Variants in MRPL37 observed in about 807,000 individuals in gnomAD.
The protein encoded by MRPL37 is mitochondrial ribosomal protein L37, also known as large ribosomal subunit protein mL37.
A neutral mutation model predicts 44.1 loss-of-function variants in MRPL37; 34 were observed. The ratio of observed to expected loss-of-function variants is 0.77; its 90% confidence interval spans 0.59 to 1.03. The LOEUF is 1.03. Ranked by LOEUF, MRPL37 falls within the 50% of genes least tolerant of loss-of-function variation. The pLI, the probability that MRPL37 is intolerant of heterozygous loss-of-function variation, is 0.00. For missense variants in MRPL37, 532 were observed against 543.7 expected (o/e 0.98, Z 0.21); for synonymous variants, 212 against 219.5 (o/e 0.97, Z 0.30).
chr1:54,200,616 G>GACCGTGTTCCTCTAACCAGC, intron 1 of MRPL37, 27 bp downstream of exon 1: 1 of 1,568,008 alleles, frequency 6.4e-7, no homozygotes, highest in Non-Finnish European at 8.7e-7. Flanking sequence ...GGCGGCAAGG[G>GACCGTGTTCCTCTAACCAGC]ACCGTGTTCC....
downstream of MRPL37, chr1:54,225,021 C>T (rs183090931): frequency 4.6e-4 from 527 of 1,142,918 alleles, 2 homozygotes; most frequent in African/African-American, 6.4e-3. Context: ...TGAAGCCAGT[C>T]CCACCCGAGG....
downstream of MRPL37, among the ~76,000 whole-genome samples, chr1:54,221,623 C>T (rs554878927): frequency 1.2e-4 from 19 of 152,324 alleles, no homozygotes; most frequent in South Asian, 6.2e-4. Context: ...CATACATGCG[C>T]GCACACATGC....
At chr1:54,217,701 C>T (rs1027926803) in intron 6 of MRPL37, among the ~76,000 whole-genome samples, 13 of 152,310 alleles carry the variant, frequency 8.5e-5, no homozygotes, top group African/African-American at 2.4e-4. Flanking sequence ...TTTCCTACTT[C>T]TGCAGTGGGG....
chr1:54,200,435 G>A lies in MRPL37; in HGVS notation c.192G>A (p.Met64Ile). 6.2e-7 allele frequency: 1 copy of A among 1,614,260 alleles called. No individual in the cohort carries two copies. Residue 64 changes from methionine to isoleucine, a missense_variant, in exon 1 of 7, where the codon ATG becomes ATA. Transcript: ENST00000360840. The stretch of plus-strand genomic sequence containing the variant: ...AGCCCATCACCTTTGCGGGGAAGAT[G>A]CACTTCGTGCCCTGGCTGGCGCGGC... ...GLEPITFAGK[M>I]HFVPWLARPI...
At chr1:54,212,971 G>A (rs1244431259) in intron 5 of MRPL37, among the ~76,000 whole-genome samples, 1 of 152,212 alleles carries the variant, frequency 6.6e-6, no homozygotes, top group African/African-American at 2.4e-5. Flanking sequence ...ACTAAGTGGT[G>A]GAGATAGGAC....
chr1:54,205,608 A>G (rs757374972), intron 3 of MRPL37, among the ~76,000 whole-genome samples, 198 bp downstream of exon 3: 41 of 152,178 alleles, frequency 2.7e-4, no homozygotes, highest in Admixed American at 1.3e-3. Flanking sequence ...ATCACTTTCT[A>G]AGACGTTAAT....
chr1:54,204,803 T>C (rs1323311327), intron 1 of MRPL37, among the ~76,000 whole-genome samples: 2 of 152,294 alleles, frequency 1.3e-5, no homozygotes, highest in East Asian at 3.9e-4. Context: ...CTATTAACCA[T>C]CCTGAAGTAG....
chr1:54,215,002 G>A (rs1401397329), intron 5 of MRPL37, among the ~76,000 whole-genome samples: 1 of 152,224 alleles, frequency 6.6e-6, no homozygotes, highest in African/African-American at 2.4e-5. Context: ...TTCAGCCCCA[G>A]TGGGGTGAAC....
intron 4 of MRPL37, among the ~76,000 whole-genome samples, chr1:54,210,851 G>A (rs1329787577): frequency 6.6e-6 from 1 of 152,084 alleles, no homozygotes; most frequent in Non-Finnish European, 1.5e-5. Flanking sequence ...TTCCAGAGTA[G>A]CCTTTCCCCA....
chr1:54,200,253 G>T lies in MRPL37; in HGVS notation c.10G>T (p.Ala4Ser). The change falls in exon 1 of 7, where the codon GCG becomes TCG. Residue 4 changes from alanine to serine, a missense_variant. Physicochemically the swap from Ala to Ser is moderately conservative, Grantham distance 99. Transcript: ENST00000360840. MAL[A>S]SGPARRALAG... ...AGGCTATCAGATCGGTATGGCATTG[G>T]CGTCCGGGCCCGCAAGGCGGGCGCT... 1 of 1,588,132 alleles carries T rather than the reference G, an allele frequency of 6.3e-7. No individual in the cohort carries two copies. Among genetic ancestry groups the T allele is most frequent in the East Asian group, 2.2e-5 (1 of 44,652 alleles).
At chr1:54,214,940 G>GC (rs1644187638) in intron 5 of MRPL37, among the ~76,000 whole-genome samples, 1 of 152,168 alleles carries the variant, frequency 6.6e-6, no homozygotes, top group Non-Finnish European at 1.5e-5. Flanking sequence ...AAGGCCAACA[G>GC]CCCCAGTGTG....
chr1:54,225,240 A>G, downstream of MRPL37: 1 of 1,234,218 alleles, frequency 8.1e-7, no homozygotes, highest in East Asian at 3.2e-5. Flanking sequence ...CTCCCAACCC[A>G]CCTTCCGCCA....
chr1:54,219,490 C>T (rs867095070), downstream of MRPL37, among the ~76,000 whole-genome samples: 5 of 152,174 alleles, frequency 3.3e-5, no homozygotes, highest in South Asian at 4.1e-4. Context: ...GTGGGGAGGC[C>T]GGAGGCTTGG....
At chr1:54,223,593 G>A (rs918171689), downstream of MRPL37, among the ~76,000 whole-genome samples, 1 of 152,194 alleles carries the variant, frequency 6.6e-6, no homozygotes. Flanking sequence ...GGGCAGTGGG[G>A]ATGCCCAGCA....
chr1:54,222,741 C>G (rs1644244565), downstream of MRPL37, among the ~76,000 whole-genome samples: 1 of 152,164 alleles, frequency 6.6e-6, no homozygotes, highest in South Asian at 2.1e-4. Flanking sequence ...GCAACAACTC[C>G]CATGGTATGT....
chr1:54,207,270 C>T (rs1036610931), intron 3 of MRPL37: 3 of 152,258 alleles, frequency 2.0e-5, no homozygotes, highest in Non-Finnish European at 4.4e-5. Flanking sequence ...ATCTTACTCA[C>T]ATTGTCCACA....
intron 3 of MRPL37, among the ~76,000 whole-genome samples, chr1:54,206,267 C>T (rs1219161559): frequency 6.6e-6 from 1 of 151,710 alleles, no homozygotes; most frequent in African/African-American, 2.4e-5. Context: ...CGCCCGCCAC[C>T]ACGCCCAGCT....
At position 54,218,258 on chromosome 1, in the gene MRPL37, C is replaced by T. The variant is rs1484781242; in HGVS notation, c.*9C>T. 6.2e-7 allele frequency: 1 copy of T among 1,614,048 alleles called. No homozygotes were observed. Among genetic ancestry groups the T allele is most frequent in the Non-Finnish European group, 8.5e-7 (1 of 1,180,028 alleles). On this transcript the variant is annotated 3_prime_UTR_variant, in exon 7 of 7. Coordinates refer to ENST00000360840, the MANE Select transcript of MRPL37 (RefSeq NM_016491.4). ...TGCATGGTGCTGCGTGAGCGGAGGACCCCTCTGAATCCTGAAACCCCTCTT... is the reference window on the plus strand; with the variant it reads ...TGCATGGTGCTGCGTGAGCGGAGGATCCCTCTGAATCCTGAAACCCCTCTT...
rs1644211163 is a variant in MRPL37, at chr1:54,218,237, TG to T, written c.1262del (p.Gly421ValfsTer39). 1 of 1,614,210 alleles carries T rather than the reference TG, an allele frequency of 6.2e-7. No homozygotes were observed. The highest frequency in any genetic ancestry group is 1.3e-5 in the African/African-American group (1 of 75,044). ...GAAAGTTTTTAGCTCTATATTTGCA[TG>T]GTGCTGCGTGAGCGGAGGACCCCTC... ...FRKFLALYLH[G>X]AA is the part of the protein sequence containing the mutation. On this transcript the variant is annotated frameshift_variant, in exon 7 of 7. Transcript: ENST00000360840. LOFTEE classifies it high-confidence loss of function.
Sources: allele counts gnomAD v4.1 joint callset (sites outside exome capture counted in the v4.1 genomes callset), GRCh38; gene constraint gnomAD v4.1.1; transcripts MANE v1.5; gene names NCBI Gene and HGNC (gene_info 2026-07-23, HGNC 2026-07-21).